CDH22: variants seen among roughly 807,000 people sequenced by gnomAD.
CDH22 encodes the protein cadherin-22.
Under a neutral mutation model 58.4 loss-of-function variants are expected in CDH22, and 30 were observed. The observed-to-expected ratio is 0.51, with a 90% CI of 0.38 to 0.70. The LOEUF (loss-of-function observed/expected upper bound fraction) is 0.70, where lower values mean the gene tolerates loss of function less well. Among genes scored for constraint, CDH22 ranks in the 30% least tolerant of loss-of-function variants. The pLI is 0.00. For missense variants in CDH22, 1,014 were observed against 1,233.9 expected (o/e 0.82, Z 2.67); for synonymous variants, 513 against 558.2 (o/e 0.92, Z 1.14).
chr20:46,231,996 G>A lies in CDH22; in HGVS notation c.551-4369C>T, dbSNP rs185634461. ...AAGCTCATTCCTTTCCCTTCTCTCC[G>A]TATCATCAGGAGGCACCTGGGGCTG... On this transcript the variant is annotated intron_variant, in intron 3 of 11. Coordinates refer to ENST00000537909, the MANE Select transcript of CDH22 (RefSeq NM_021248.3). 2.5e-3 allele frequency among the ~76,000 whole-genome samples: 375 copies of A among 152,206 alleles called. 1 individual carries two copies. The highest frequency in any genetic ancestry group is 8.3e-3 in the African/African-American group (345 of 41,514).
At position 46,216,860 on chromosome 20, in the gene CDH22, G is replaced by A. The variant is rs1458182322; in HGVS notation, c.804C>T (p.Thr268=). Residue 268 remains threonine, a synonymous_variant, in exon 5 of 12, where the codon ACC becomes ACT. Coordinates refer to ENST00000537909, the MANE Select transcript of CDH22 (RefSeq NM_021248.3). The surrounding 1 kb of genome is among the most constrained non-coding windows in gnomAD (Gnocchi z 5.3). ...AACGGGGCGGGTTGTCATTGACGTC[G>A]GTGACTACGATGGTGACGGTAGTGG... ...SGSTTVTIVV[T]DVNDNPPRFP... 11 of 1,604,808 alleles carry A rather than the reference G, an allele frequency of 6.9e-6. 1 individual carries two copies. The highest frequency in any genetic ancestry group is 5.5e-5 in the South Asian group (5 of 90,892).
intron 8 of CDH22, among the ~76,000 whole-genome samples, chr20:46,198,121 G>A (rs2085921727): frequency 3.3e-5 from 5 of 152,118 alleles, no homozygotes; most frequent in Non-Finnish European, 7.4e-5. Flanking sequence ...GGCCATGACA[G>A]TGGCAGTGTT....
In CDH22 at chr20:46,241,049, A is replaced by G; in HGVS notation, c.464T>C (p.Ile155Thr). The G allele has an allele frequency of 6.2e-7, 1 of 1,614,100 alleles. No individual in the cohort carries two copies. Among genetic ancestry groups the G allele is most frequent in the Non-Finnish European group, 8.5e-7 (1 of 1,180,018 alleles). ...GTCATTGATGTCCTGCACCTTGATGATGAACTCCGACTCGGGCTCCAGTAG... is the reference window on the plus strand; with the variant it reads ...GTCATTGATGTCCTGCACCTTGATGGTGAACTCCGACTCGGGCTCCAGTAG... ...NRLLEPESEF[I>T]IKVQDINDSE... The change falls in exon 3 of 12, where the codon ATC becomes ACC. Residue 155 changes from isoleucine (I) to threonine (T), a missense_variant. Physicochemically the swap from Ile to Thr is moderately conservative, Grantham distance 89 (BLOSUM62 -1). Coordinates refer to ENST00000537909, the MANE Select transcript of CDH22 (RefSeq NM_021248.3). This position sits in a 1 kb window ranked among gnomAD's most constrained non-coding sequence, Gnocchi z 5.2.
intron 7 of CDH22, among the ~76,000 whole-genome samples, chr20:46,204,393 C>CAA (rs3092239): frequency 1.4e-3 from 109 of 77,122 alleles, no homozygotes; most frequent in Middle Eastern, 7.9e-3. Flanking sequence ...GACTCTGTCT[C>CAA]AAAAAAAAAA....
chr20:46,290,275 C>G (rs552567623), intron 1 of CDH22, among the ~76,000 whole-genome samples: 134 of 152,290 alleles, frequency 8.8e-4, no homozygotes, highest in African/African-American at 3.1e-3. Context: ...CAGTTTTTCT[C>G]CACCAGGGGC....
intron 1 of CDH22, among the ~76,000 whole-genome samples, chr20:46,268,849 T>C (rs1470890974): frequency 6.6e-6 from 1 of 152,162 alleles, no homozygotes; most frequent in African/African-American, 2.4e-5. Context: ...GAGCATGAGG[T>C]CACTGCCAAG....
chr20:46,174,769 G>T lies in CDH22; in HGVS notation c.2224C>A (p.Pro742Thr). The T allele has an allele frequency of 6.5e-7, 1 of 1,527,584 alleles. No homozygotes were observed. The highest frequency in any genetic ancestry group is 2.5e-5 in the East Asian group (1 of 39,346). The allele number at this position is 1,527,584 out of a possible 1,614,324, so 94.6% of individuals were successfully genotyped here. ...AAGTCCCTGAACACTGAGAAGTCTG[G>T]CTCGGGGCTCGGCGGCCCCTGCGGC... is the stretch of plus-strand genomic sequence containing the variant. ...SLPQGPPSPE[P>T]DFSVFRDFIS... is the part of the protein sequence containing the mutation. Residue 742 changes from proline to threonine, a missense_variant, in exon 12 of 12, where the codon CCA (proline) becomes ACA (threonine). Pro to Thr is a conservative substitution (Grantham distance 38). This residue lies in a region of CDH22 where 208 missense variants were observed against 195.2 expected (regional missense o/e 1.07). Transcript: ENST00000537909. The surrounding 1 kb of genome is among the most constrained non-coding windows in gnomAD (Gnocchi z 4.4).
intron 4 of CDH22, among the ~76,000 whole-genome samples, chr20:46,224,383 G>A (rs1054980212): frequency 6.6e-6 from 1 of 152,184 alleles, no homozygotes; most frequent in South Asian, 2.1e-4. Context: ...TGAGTGAACT[G>A]TCCCATTGAA....
At chr20:46,225,885 G>A (rs2086167579) in intron 4 of CDH22, among the ~76,000 whole-genome samples, 1 of 151,924 alleles carries the variant, frequency 6.6e-6, no homozygotes, top group African/African-American at 2.4e-5. Flanking sequence ...TACTTTGTGT[G>A]AGAAAATACA....
chr20:46,174,016 CA>C lies in CDH22; in HGVS notation c.*489del, dbSNP rs1483352292. Reference sequence around the variant, plus strand: ...GGGTCCTTTCCCCTTCTATTCCGTGCAGGACACCACCTCATGGTTTCTCTGA... The same window carrying C: ...GGGTCCTTTCCCCTTCTATTCCGTGCGGACACCACCTCATGGTTTCTCTGA... On this transcript the variant is annotated 3_prime_UTR_variant, in exon 12 of 12. Coordinates refer to ENST00000537909, the MANE Select transcript of CDH22 (RefSeq NM_021248.3). The surrounding 1 kb of genome is among the most constrained non-coding windows in gnomAD (Gnocchi z 4.4). The C allele has an allele frequency of 6.3e-6, 1 of 158,924 alleles. No individual in the cohort carries two copies. The highest frequency in any genetic ancestry group is 1.4e-5 in the Non-Finnish European group (1 of 72,990). 9.8% of individuals were successfully genotyped at this position (158,924 alleles called of 1,614,324 possible). A position where few individuals can be genotyped will look rare whatever the true frequency, so the allele number is the denominator to read the frequency against.
intron 1 of CDH22, among the ~76,000 whole-genome samples, chr20:46,288,154 G>A (rs1280862215): frequency 1.3e-5 from 2 of 152,146 alleles, no homozygotes; most frequent in East Asian, 3.8e-4. Flanking sequence ...TGCATGTACT[G>A]TTCCAGGGAG....
chr20:46,273,298 T>C (rs991060516), intron 1 of CDH22, among the ~76,000 whole-genome samples: 7 of 152,244 alleles, frequency 4.6e-5, no homozygotes, highest in African/African-American at 7.2e-5. Context: ...AGTTTTGACC[T>C]AATAATTCCT....
chr20:46,176,508 C>T (rs1414163529), intron 11 of CDH22, among the ~76,000 whole-genome samples: 1 of 152,156 alleles, frequency 6.6e-6, no homozygotes, highest in Non-Finnish European at 1.5e-5. Flanking sequence ...GAGGAACTCA[C>T]TGGATGGATG....
rs565635183 is a variant in CDH22, at chr20:46,255,559, C to T, written c.-399-3866G>A. ...TGTTTGAGGGTGGAGCCCTGGCCCTCCCATCCTCACCTCTCCCTCCCCTTC... is the reference window on the plus strand; with the variant it reads ...TGTTTGAGGGTGGAGCCCTGGCCCTTCCATCCTCACCTCTCCCTCCCCTTC... On this transcript the variant is annotated intron_variant, in intron 1 of 11. Transcript: ENST00000537909. 5.3e-5 allele frequency among the ~76,000 whole-genome samples: 8 copies of T among 152,300 alleles called. No individual in the cohort carries two copies. In the East Asian group the frequency reaches 1.4e-3, roughly 26 times the overall value.
In CDH22 at chr20:46,253,578, C is replaced by T. The variant is rs193285455; in HGVS notation, c.-399-1885G>A. ...GCTTCCCAACCCTGGCAGCCCTGCTCCGCAAGCCCTGCTCTGTGCTGCCAC... is the reference window on the plus strand; with the variant it reads ...GCTTCCCAACCCTGGCAGCCCTGCTTCGCAAGCCCTGCTCTGTGCTGCCAC... On this transcript the variant is annotated intron_variant, in intron 1 of 11. Coordinates refer to ENST00000537909, the MANE Select transcript of CDH22 (RefSeq NM_021248.3). Among the ~76,000 whole-genome samples, 489 of 152,310 alleles carry T rather than the reference C, an allele frequency of 3.2e-3. 4 individuals carry two copies. The highest frequency in any genetic ancestry group is 0.01 in the African/African-American group (435 of 41,556).
chr20:46,199,865 A>T (rs1460540937), intron 7 of CDH22, among the ~76,000 whole-genome samples: 1 of 152,178 alleles, frequency 6.6e-6, no homozygotes, highest in African/African-American at 2.4e-5. Context: ...TGCTTGGCAC[A>T]GTTAGACTCA....
intron 11 of CDH22, among the ~76,000 whole-genome samples, chr20:46,175,419 A>G (rs2085731392): frequency 6.6e-6 from 1 of 151,958 alleles, no homozygotes; most frequent in Non-Finnish European, 1.5e-5. Flanking sequence ...CTCTCTGAGG[A>G]CTCTAGGTGC....
intron 1 of CDH22, among the ~76,000 whole-genome samples, chr20:46,297,169 G>A (rs1043700311): frequency 2.6e-5 from 4 of 152,168 alleles, no homozygotes; most frequent in South Asian, 2.1e-4. Context: ...ATGAGGGCTC[G>A]AAGCCAGGGG....
At chr20:46,196,611 C>G (rs2085904891) in intron 8 of CDH22, among the ~76,000 whole-genome samples, 1 of 152,254 alleles carries the variant, frequency 6.6e-6, no homozygotes, top group African/African-American at 2.4e-5. Context: ...ACCAGGGAAA[C>G]AGGACTGGAG....
Sources: allele counts gnomAD v4.1 joint callset (sites outside exome capture counted in the v4.1 genomes callset), GRCh38; gene constraint gnomAD v4.1.1; regional missense constraint gnomAD v4.1.1; non-coding constraint Gnocchi (gnomAD v3.1); transcripts MANE v1.5; gene names NCBI Gene and HGNC (gene_info 2026-07-23, HGNC 2026-07-21).